Variants in UTRN observed in about 807,000 individuals in gnomAD.
The protein encoded by UTRN is utrophin.
A neutral mutation model predicts 463.9 loss-of-function variants in UTRN; 283 were observed. The observed-to-expected ratio is 0.61, with a 90% CI of 0.55 to 0.67. UTRN has a LOEUF of 0.67. Among genes scored for constraint, UTRN ranks in the 30% least tolerant of loss-of-function variants. UTRN has a pLI of 0.00. For synonymous variants in UTRN, 1,442 were observed against 1,431.5 expected (o/e 1.01, Z -0.17); for missense variants, 3,922 against 4,084.3 (o/e 0.96, Z 1.08).
chr6:144,572,508 G>A (rs190409155), intron 50 of UTRN, among the ~76,000 whole-genome samples: 142 of 151,930 alleles, frequency 9.3e-4, no homozygotes, highest in Admixed American at 1.4e-3. Context: ...TTTAAGCCCC[G>A]CATGCATTAG....
chr6:144,744,630 TACAC>T (rs199802269), intron 54 of UTRN, among the ~76,000 whole-genome samples: 5 of 55,192 alleles, frequency 9.1e-5, no homozygotes, highest in African/African-American at 3.1e-4. Flanking sequence ...CACACACACA[TACAC>T]ACACACACAC....
At chr6:144,754,271 A>G (rs547229935) in intron 56 of UTRN, among the ~76,000 whole-genome samples, 94 of 152,270 alleles carry the variant, frequency 6.2e-4, no homozygotes, top group Non-Finnish European at 1.0e-3. Context: ...AGGCTTTACA[A>G]ACAATGTACT....
chr6:144,762,300 C>G (rs554305607), intron 58 of UTRN, among the ~76,000 whole-genome samples: 1 of 152,112 alleles, frequency 6.6e-6, no homozygotes, highest in Non-Finnish European at 1.5e-5. Context: ...TTAGTTGAGT[C>G]AGAGGACGGA....
intron 13 of UTRN, among the ~76,000 whole-genome samples, chr6:144,443,237 G>A (rs1018201950): frequency 6.6e-6 from 1 of 152,164 alleles, no homozygotes; most frequent in African/African-American, 2.4e-5. Flanking sequence ...ATTTCATCAC[G>A]TGAGGTCCTT....
At chr6:144,455,513 G>C (rs773737002) in intron 19 of UTRN, among the ~76,000 whole-genome samples, 14 of 152,122 alleles carry the variant, frequency 9.2e-5, no homozygotes, top group Non-Finnish European at 1.8e-4. Flanking sequence ...TATCTGATGT[G>C]AATATGGGAT....
intron 33 of UTRN, among the ~76,000 whole-genome samples, chr6:144,497,214 C>T (rs189139215): frequency 6.6e-5 from 10 of 152,092 alleles, no homozygotes; most frequent in Admixed American, 5.9e-4. Flanking sequence ...GAGAGATGGT[C>T]GTACCTTGAA....
intron 65 of UTRN, among the ~76,000 whole-genome samples, chr6:144,806,901 C>A (rs1394251481): frequency 6.6e-6 from 1 of 152,104 alleles, no homozygotes; most frequent in East Asian, 1.9e-4. Context: ...TCTGAAATTT[C>A]TTTCTGTTCA....
intron 60 of UTRN, 25 bp from the exon 61 acceptor site, chr6:144,781,897 A>G (rs1419636396): frequency 6.3e-7 from 1 of 1,580,072 alleles, no homozygotes; most frequent in Non-Finnish European, 8.7e-7. Context: ...ATGACTGTAA[A>G]CATTCCTTCT....
intron 2 of UTRN, among the ~76,000 whole-genome samples, chr6:144,309,473 A>G (rs1028164017): frequency 2.0e-5 from 3 of 152,088 alleles, no homozygotes; most frequent in Non-Finnish European, 4.4e-5. Flanking sequence ...GATTCTTCCA[A>G]TTGCCCCAGT....
At chr6:144,473,487 C>A (rs1790876070) in intron 23 of UTRN, among the ~76,000 whole-genome samples, 1 of 152,022 alleles carries the variant, frequency 6.6e-6, no homozygotes, top group Admixed American at 6.5e-5. Context: ...AAAGAGCTAG[C>A]GTTTGGAAAT....
At chr6:144,641,121 C>CT (rs1361211662) in intron 51 of UTRN, among the ~76,000 whole-genome samples, 4 of 152,056 alleles carry the variant, frequency 2.6e-5, no homozygotes, top group African/African-American at 9.7e-5. Context: ...AAGGATGCAC[C>CT]TATGACACAG....
intron 21 of UTRN, among the ~76,000 whole-genome samples, chr6:144,460,870 G>A (rs2128561112): frequency 6.6e-6 from 1 of 152,318 alleles, no homozygotes; most frequent in Non-Finnish European, 1.5e-5. Flanking sequence ...TATTCTTTGT[G>A]TAGCTGTTAA....
intron 2 of UTRN, among the ~76,000 whole-genome samples, chr6:144,316,201 A>T (rs1236050097): frequency 6.6e-6 from 1 of 152,176 alleles, no homozygotes; most frequent in East Asian, 1.9e-4. Flanking sequence ...AAACAAAAAA[A>T]GTCTCTAAAA....
At chr6:144,653,522 C>A (rs941913555) in intron 51 of UTRN, among the ~76,000 whole-genome samples, 1 of 151,368 alleles carries the variant, frequency 6.6e-6, no homozygotes, top group South Asian at 2.1e-4. Context: ...GGAGGCAGAG[C>A]TTGCAGTGAG....
intron 49 of UTRN, among the ~76,000 whole-genome samples, chr6:144,555,910 A>G (rs1799338976): frequency 6.6e-6 from 1 of 152,216 alleles, no homozygotes; most frequent in Non-Finnish European, 1.5e-5. Flanking sequence ...TTTGAGGACT[A>G]CTATAGTGAA....
chr6:144,552,823 A>G (rs1271584021), intron 48 of UTRN, among the ~76,000 whole-genome samples: 1 of 152,206 alleles, frequency 6.6e-6, no homozygotes, highest in Non-Finnish European at 1.5e-5. Context: ...TTACTGTTAA[A>G]GGATTCTATT....
At chr6:144,375,718 C>T (rs1780393507) in intron 2 of UTRN, among the ~76,000 whole-genome samples, 1 of 152,154 alleles carries the variant, frequency 6.6e-6, no homozygotes, top group Non-Finnish European at 1.5e-5. Context: ...GGATTCACCT[C>T]GTTGGTGGAA....
chr6:144,490,037 A>AT (rs775807741), intron 30 of UTRN, 34 bp from the exon 31 acceptor site: 9 of 1,583,732 alleles, frequency 5.7e-6, no homozygotes, highest in Non-Finnish European at 7.7e-6. Context: ...TAAAAAAAAA[A>AT]GGACATCCTC....
chr6:144,447,972 T>G (rs1294571304), intron 16 of UTRN, among the ~76,000 whole-genome samples, 191 bp downstream of exon 16: 2 of 152,214 alleles, frequency 1.3e-5, no homozygotes, highest in Non-Finnish European at 2.9e-5. Context: ...ATCCTATAAT[T>G]TAATTTATAG....
Sources: gnomAD v4.1 joint callset for allele counts (sites outside exome capture counted in the v4.1 genomes callset) on GRCh38, gnomAD v4.1.1 for gene constraint, MANE v1.5 for transcripts, NCBI Gene and HGNC (gene_info 2026-07-23, HGNC 2026-07-21) for gene names.